TMEM165: variants seen among roughly 807,000 people sequenced by gnomAD.
The protein encoded by TMEM165 is transmembrane protein 165.
In TMEM165, 19 loss-of-function variants were observed where a neutral mutation model predicts 30.0. That is an observed-to-expected ratio of 0.63 (90% CI 0.44 to 0.93). The LOEUF (loss-of-function observed/expected upper bound fraction) is 0.93, where lower values mean the gene tolerates loss of function less well. TMEM165 is among the 40% of genes least tolerant of loss of function. The pLI, the probability that TMEM165 is intolerant of heterozygous loss-of-function variation, is 0.00. For synonymous variants in TMEM165, 168 were observed against 162.9 expected, an observed-to-expected ratio of 1.03 and a Z score of -0.24; for missense variants, 340 against 417.0, an observed-to-expected ratio of 0.82 and a Z score of 1.61.
chr4:55,452,699 T>A (rs1268036462), exon 4 of TMEM165: 1 of 191,788 alleles, frequency 5.2e-6, no homozygotes, highest in Non-Finnish European at 1.1e-5. Flanking sequence ...TTTTTTCCCC[T>A]CTTGAAACCC....
Position 55,425,579 on chromosome 4 carries a change from C to A in TMEM165, c.*127C>A. ...GTAGCACTGATTTTGTGAGTTTGAC[C>A]CATTATTATGTCTGAGATATAATCA... On this transcript the variant is annotated 3_prime_UTR_variant, in exon 6 of 6. Transcript: ENST00000381334. 1 of 699,500 alleles carries A rather than the reference C, an allele frequency of 1.4e-6. No homozygotes were observed. Among genetic ancestry groups the A allele is most frequent in the East Asian group, 2.8e-5 (1 of 35,586 alleles). 43.3% of individuals were successfully genotyped at this position (699,500 alleles called of 1,614,324 possible).
At chr4:55,401,290 G>GT (rs1433372829) in intron 1 of TMEM165, among the ~76,000 whole-genome samples, 1 of 150,780 alleles carries the variant, frequency 6.6e-6, no homozygotes, top group African/African-American at 2.5e-5. Flanking sequence ...AAAAAGTGTT[G>GT]TTGATTACTT....
intron 3 of TMEM165, chr4:55,434,277 A>G (rs1330285609): frequency 1.3e-5 from 2 of 152,630 alleles, no homozygotes; most frequent in Non-Finnish European, 2.9e-5. Context: ...GAAATTGTGA[A>G]GGATAATAAA....
At position 55,435,925 on chromosome 4, in the gene TMEM165, T is replaced by C. The variant is rs73151862; in HGVS notation, c.408+11282T>C. Among the ~76,000 whole-genome samples, 561 of 152,346 alleles carry C rather than the reference T, an allele frequency of 3.7e-3. 4 individuals carry two copies. Among genetic ancestry groups the C allele is most frequent in the African/African-American group, 0.013 (535 of 41,580 alleles). On this transcript the variant is annotated intron_variant, in intron 3 of 3. Transcript: ENST00000608091. ...TATTTTAAATTACAAAATTTGAGCA[T>C]AGTTATGACTATATGAAAAACAAAT...
intron 3 of TMEM165, 44 bp downstream of exon 3, chr4:55,417,291 T>A: frequency 6.3e-7 from 1 of 1,579,796 alleles, no homozygotes; most frequent in Non-Finnish European, 8.6e-7. Flanking sequence ...GGCACTCAAC[T>A]AGGAATAAAC....
At chr4:55,430,166 A>C (rs1274788466), downstream of TMEM165, 1 of 152,182 alleles carries the variant, frequency 6.6e-6, no homozygotes, top group Non-Finnish European at 1.5e-5. Context: ...ATTCTTTCAT[A>C]AATACTTACT....
At chr4:55,408,245 C>T (rs1283017733) in intron 1 of TMEM165, among the ~76,000 whole-genome samples, 1 of 152,138 alleles carries the variant, frequency 6.6e-6, no homozygotes, top group Non-Finnish European at 1.5e-5. Context: ...ATGTAACAAG[C>T]TTTATGTTTA....
chr4:55,411,648 A>G lies in TMEM165; in HGVS notation c.242A>G (p.Asn81Ser), dbSNP rs370509809. ...IFTPAAPVHT[N>S]KEDPATQTNL... is the part of the protein sequence containing the mutation. The stretch of plus-strand genomic sequence containing the variant: ...ACACCAGCAGCTCCAGTTCATACCA[A>G]TAAAGAAGATCCTGCTACCCAAACT... Residue 81 changes from asparagine to serine, a missense_variant, in exon 2 of 6, where the codon AAT (asparagine) becomes AGT (serine). Around this residue, in one of 2 missense-constraint regions of TMEM165, gnomAD observed 220 missense variants for 307.6 expected, o/e 0.72. Coordinates refer to ENST00000381334, the MANE Select transcript of TMEM165 (RefSeq NM_018475.5). The G allele has an allele frequency of 8.1e-6, 13 of 1,614,052 alleles. No individual in the cohort carries two copies. The highest frequency in any genetic ancestry group is 2.7e-5 in the African/African-American group (2 of 74,940).
At chr4:55,408,532 G>A (rs1482851366) in intron 1 of TMEM165, among the ~76,000 whole-genome samples, 1 of 152,146 alleles carries the variant, frequency 6.6e-6, no homozygotes, top group Non-Finnish European at 1.5e-5. Flanking sequence ...AAAAGGTAAA[G>A]TAAAAAATTT....
intron 4 of TMEM165, among the ~76,000 whole-genome samples, chr4:55,421,280 A>C (rs1041398255): frequency 6.7e-6 from 1 of 149,516 alleles, no homozygotes; most frequent in African/African-American, 2.5e-5. Flanking sequence ...GTGAATTTTT[A>C]AATATTTTCT....
intron 3 of TMEM165, among the ~76,000 whole-genome samples, chr4:55,441,614 G>A (rs1723372878): frequency 6.6e-6 from 1 of 152,172 alleles, no homozygotes. Flanking sequence ...ATTATTCTAA[G>A]TGAAGTAACT....
intron 3 of TMEM165, among the ~76,000 whole-genome samples, chr4:55,449,823 C>A (rs1457412095): frequency 6.6e-6 from 1 of 151,888 alleles, no homozygotes; most frequent in African/African-American, 2.4e-5. Flanking sequence ...TAAAAAAACA[C>A]AATAAATAGT....
downstream of TMEM165, chr4:55,430,700 A>AT (rs1429805066): frequency 1.3e-5 from 2 of 152,208 alleles, no homozygotes; most frequent in Non-Finnish European, 2.9e-5. Flanking sequence ...AACACTCAGA[A>AT]TAATTCTTGA....
At chr4:55,448,945 G>A in intron 3 of TMEM165, 1 of 1,120,974 alleles carries the variant, frequency 8.9e-7, no homozygotes, top group Non-Finnish European at 1.3e-6. Flanking sequence ...ATATCAATAT[G>A]ATATTCGTAT....
intron 1 of TMEM165, among the ~76,000 whole-genome samples, chr4:55,407,389 A>G (rs1433054051): frequency 2.0e-5 from 3 of 152,238 alleles, no homozygotes; most frequent in Non-Finnish European, 4.4e-5. Context: ...TGCGGTGAGT[A>G]AATACCTACC....
chr4:55,438,506 A>T, intron 3 of TMEM165: 1 of 1,613,748 alleles, frequency 6.2e-7, no homozygotes, highest in South Asian at 1.1e-5. Context: ...GCAGTCACTA[A>T]TTTGGTCACA....
chr4:55,426,830 A>ATCTT (rs1722223470), downstream of TMEM165, among the ~76,000 whole-genome samples: 1 of 152,176 alleles, frequency 6.6e-6, no homozygotes, highest in South Asian at 2.1e-4. Flanking sequence ...TACTGTGGAG[A>ATCTT]TCTTAAGAGG....
rs1177773222 is a variant in TMEM165, at chr4:55,411,620, T to C, written c.214T>C (p.Phe72Leu). Residue 72 changes from phenylalanine to leucine, a missense_variant, in exon 2 of 6, where the codon TTT (phenylalanine) becomes CTT (leucine). Transcript: ENST00000381334. ...ACTGATTTTTTTTTTCCAGAAAATA[T>C]TTACACCAGCAGCTCCAGTTCATAC... is the stretch of plus-strand genomic sequence containing the variant. ...GPEPARVEKI[F>L]TPAAPVHTNK... 7 of 1,609,306 alleles carry C rather than the reference T, an allele frequency of 4.3e-6. No individual in the cohort carries two copies. The highest frequency in any genetic ancestry group is 5.9e-6 in the Non-Finnish European group (7 of 1,178,668).
chr4:55,436,030 G>A (rs1452854867), intron 3 of TMEM165, among the ~76,000 whole-genome samples: 2 of 152,164 alleles, frequency 1.3e-5, no homozygotes, highest in African/African-American at 2.4e-5. Flanking sequence ...GTGGCCAGGA[G>A]CGTGGTGGGC....
Sources: allele counts gnomAD v4.1 joint callset (sites outside exome capture counted in the v4.1 genomes callset), GRCh38; gene constraint gnomAD v4.1.1; regional missense constraint gnomAD v4.1.1; transcripts MANE v1.5; gene names NCBI Gene and HGNC (gene_info 2026-07-23, HGNC 2026-07-21).